Variants in ABCA13 observed in about 807,000 individuals in gnomAD.
ABCA13 encodes ATP binding cassette subfamily A member 13, also known as ATP-binding cassette sub-family A member 13.
Under a neutral mutation model 478.7 loss-of-function variants are expected in ABCA13, and 476 were observed. That is an observed-to-expected ratio of 0.99 (90% CI 0.92 to 1.07). The LOEUF (loss-of-function observed/expected upper bound fraction) is 1.07. Among genes scored for constraint, ABCA13 ranks in the 50% least tolerant of loss-of-function variants. ABCA13 has a pLI of 0.00. For missense variants in ABCA13, 6,060 were observed against 5,910.6 expected (o/e 1.03, Z -0.83); for synonymous variants, 2,252 against 2,158.9 (o/e 1.04, Z -1.20).
chr7:48,518,847 T>C (rs1407817644), intron 52 of ABCA13, among the ~76,000 whole-genome samples: 1 of 152,146 alleles, frequency 6.6e-6, no homozygotes, highest in Non-Finnish European at 1.5e-5. Flanking sequence ...ATGTGCAGGA[T>C]ATGCAGGTTT....
chr7:48,279,705 G>T lies in ABCA13; in HGVS notation c.8511G>T (p.Trp2837Cys), dbSNP rs1796771589. The T allele has an allele frequency of 6.2e-7, 1 of 1,613,436 alleles. No homozygotes were observed. The highest frequency in any genetic ancestry group is 1.3e-5 in the African/African-American group (1 of 74,900). The change falls in exon 18 of 62, where the codon TGG (tryptophan) becomes TGT (cysteine). Residue 2837 changes from tryptophan (W) to cysteine (C), a missense_variant. This residue lies in a region of ABCA13 where 4,423 missense variants were observed against 4,309.1 expected (regional missense o/e 1.03). Coordinates refer to ENST00000435803, the MANE Select transcript of ABCA13 (RefSeq NM_152701.5). ...RKGLLFNNSE[W>C]ITSTRTLFQP... Reference sequence around the variant, plus strand: ...GACTTCTGTTTAACAACTCTGAATGGATAACTTCCACAAGAACTTTGTTTC... The same window carrying T: ...GACTTCTGTTTAACAACTCTGAATGTATAACTTCCACAAGAACTTTGTTTC...
intron 2 of ABCA13, among the ~76,000 whole-genome samples, chr7:48,197,283 C>T (rs538270983): frequency 1.6e-4 from 24 of 152,152 alleles, no homozygotes; most frequent in Admixed American, 2.6e-4. Context: ...AGACAAGAAG[C>T]GGTCACAGAC....
chr7:48,302,214 G>T (rs770894299), intron 23 of ABCA13, among the ~76,000 whole-genome samples: 1 of 152,132 alleles, frequency 6.6e-6, no homozygotes, highest in East Asian at 1.9e-4. Flanking sequence ...ACTGCTTGCC[G>T]ATGGGTTTCC....
At chr7:48,321,102 T>G (rs914642819) in intron 27 of ABCA13, among the ~76,000 whole-genome samples, 1 of 151,770 alleles carries the variant, frequency 6.6e-6, no homozygotes, top group Non-Finnish European at 1.5e-5. Context: ...CAAACCGGGG[T>G]GGGGTTGGAG....
chr7:48,256,465 A>AT (rs1362622493), intron 15 of ABCA13, among the ~76,000 whole-genome samples: 7 of 151,992 alleles, frequency 4.6e-5, no homozygotes, highest in African/African-American at 1.7e-4. Flanking sequence ...TCTTGAGTTG[A>AT]TTTTTTTATA....
intron 31 of ABCA13, among the ~76,000 whole-genome samples, chr7:48,360,001 T>A (rs550365385): frequency 6.6e-6 from 1 of 152,072 alleles, no homozygotes; most frequent in Non-Finnish European, 1.5e-5. Context: ...CTTAAAGAAG[T>A]AAGAGAGTTT....
At chr7:48,231,060 G>T (rs990629374) in intron 7 of ABCA13, among the ~76,000 whole-genome samples, 1 of 151,964 alleles carries the variant, frequency 6.6e-6, no homozygotes, top group African/African-American at 2.4e-5. Context: ...ATGCATGCGG[G>T]TCTTAAAACC....
At chr7:48,615,050 A>T (rs542959426) in intron 58 of ABCA13, among the ~76,000 whole-genome samples, 9 of 150,978 alleles carry the variant, frequency 6.0e-5, no homozygotes, top group African/African-American at 1.2e-4. Flanking sequence ...ATAAAATAAA[A>T]AAATAAATAA....
chr7:48,352,266 G>A lies in ABCA13; in HGVS notation c.10467G>A (p.Arg3489=). The A allele has an allele frequency of 6.2e-7, 1 of 1,613,738 alleles. No homozygotes were observed. Residue 3489 remains arginine, a synonymous_variant, in exon 31 of 62, where the codon CGG becomes CGA. Transcript: ENST00000435803. ...KLPPHVSYTI[R]TNVLYSVRTD... is the part of the protein sequence containing the mutation. The stretch of plus-strand genomic sequence containing the variant: ...CACCCCATGTCTCATACACAATCCG[G>A]ACCAATGTGTTATACAGCGTGCGAA...
In ABCA13 at chr7:48,643,312, A is replaced by G; in HGVS notation, c.14862A>G (p.Lys4954=). The change falls in exon 60 of 62, where the codon AAA becomes AAG. Residue 4954 remains lysine (K), a synonymous_variant. Coordinates refer to ENST00000435803, the MANE Select transcript of ABCA13 (RefSeq NM_152701.5). ...GGTTTGGTGATGGTTATACAGTCAA[A>G]GTTTGGCTCTGTAAGGAAGCAAATC... is the stretch of plus-strand genomic sequence containing the variant. ...KNRFGDGYTV[K]VWLCKEANQH... 6.2e-7 allele frequency: 1 copy of G among 1,611,674 alleles called. No homozygotes were observed. The highest frequency in any genetic ancestry group is 8.5e-7 in the Non-Finnish European group (1 of 1,179,076).
chr7:48,604,464 A>T (rs901223032), intron 58 of ABCA13, among the ~76,000 whole-genome samples: 1 of 152,046 alleles, frequency 6.6e-6, no homozygotes, highest in South Asian at 2.1e-4. Flanking sequence ...GAACATCTTT[A>T]TTTCTGCCTT....
At chr7:48,463,261 A>T (rs540132000) in intron 43 of ABCA13, among the ~76,000 whole-genome samples, 38 of 152,278 alleles carry the variant, frequency 2.5e-4, no homozygotes, top group African/African-American at 8.9e-4. Context: ...GACAGATCAG[A>T]TAAGTATGTT....
At chr7:48,421,382 A>G (rs1820717053) in intron 41 of ABCA13, among the ~76,000 whole-genome samples, 1 of 152,244 alleles carries the variant, frequency 6.6e-6, no homozygotes, top group Admixed American at 6.5e-5. Context: ...GTCCAGTAAG[A>G]AAGAACTCTC....
chr7:48,205,420 T>C (rs1338485342), intron 3 of ABCA13, among the ~76,000 whole-genome samples: 1 of 152,244 alleles, frequency 6.6e-6, no homozygotes. Flanking sequence ...ATTAAGTTTT[T>C]GTATGTGGTG....
chr7:48,247,873 A>T (rs141487462), intron 13 of ABCA13, among the ~76,000 whole-genome samples: 1 of 152,108 alleles, frequency 6.6e-6, no homozygotes, highest in Non-Finnish European at 1.5e-5. Flanking sequence ...GCTGCATTCT[A>T]TGGGTTTACG....
Position 48,528,252 on chromosome 7 carries a change from G to T in ABCA13, c.14261G>T (p.Gly4754Val). 1 of 1,575,586 alleles carries T rather than the reference G, an allele frequency of 6.3e-7. No individual in the cohort carries two copies. The highest frequency in any genetic ancestry group is 8.6e-7 in the Non-Finnish European group (1 of 1,159,238). ...TCCTCTTAGTGCTTTGGACTTCTAG[G>T]GGTGAATGGAGCTGGGAAGAGCACG... ...IPKGECFGLL[G>V]VNGAGKSTTF... The change falls in exon 55 of 62, where the codon GGG becomes GTG. Residue 4754 changes from glycine to valine, a missense_variant. Transcript: ENST00000435803.
intron 27 of ABCA13, among the ~76,000 whole-genome samples, chr7:48,323,984 G>A (rs1803920631): frequency 6.6e-6 from 1 of 152,158 alleles, no homozygotes; most frequent in African/African-American, 2.4e-5. Context: ...CCAAGATTAT[G>A]AGGCCTCCCT....
At chr7:48,562,111 G>GC (rs1786525898) in intron 55 of ABCA13, among the ~76,000 whole-genome samples, 1 of 113,052 alleles carries the variant, frequency 8.8e-6, no homozygotes, top group South Asian at 2.5e-4. Flanking sequence ...GTATGGGGGG[G>GC]GAGGTGGATA....
intron 20 of ABCA13, among the ~76,000 whole-genome samples, chr7:48,293,150 C>G (rs901889949): frequency 6.7e-6 from 1 of 148,362 alleles, no homozygotes; most frequent in Non-Finnish European, 1.5e-5. Context: ...CATGAGTGCT[C>G]TGATCATGGA....
Sources: allele counts gnomAD v4.1 joint callset (sites outside exome capture counted in the v4.1 genomes callset), GRCh38; gene constraint gnomAD v4.1.1; regional missense constraint gnomAD v4.1.1; transcripts MANE v1.5; gene names NCBI Gene and HGNC (gene_info 2026-07-23, HGNC 2026-07-21).